UHRF1: variants seen among roughly 807,000 people sequenced by gnomAD.
UHRF1 encodes the protein E3 ubiquitin-protein ligase UHRF1.
UHRF1 carries 9 observed loss-of-function variants against 96.5 expected under a neutral mutation model. The ratio of observed to expected loss-of-function variants is 0.09; its 90% CI spans 0.06 to 0.16. The LOEUF (loss-of-function observed/expected upper bound fraction) is 0.16, where lower values mean the gene tolerates loss of function less well. Ranked by LOEUF, UHRF1 falls within the 10% of genes least tolerant of loss-of-function variation. The probability of loss-of-function intolerance (pLI) is 1.00; values close to 1 mark genes in which losing one functional copy is unlikely to be tolerated. For synonymous variants in UHRF1, 455 were observed against 469.9 expected (o/e 0.97, Z 0.41); for missense variants, 626 against 1,131.1 (o/e 0.55, Z 6.40).
At chr19:4,915,939 C>A (rs1167313480) in intron 2 of UHRF1, among the ~76,000 whole-genome samples, 2 of 152,080 alleles carry the variant, frequency 1.3e-5, no homozygotes, top group African/African-American at 4.8e-5. Flanking sequence ...ATTTCAGGAC[C>A]CTTTACATCA....
chr19:4,960,188 CTG>C (rs2033953896), intron 16 of UHRF1, among the ~76,000 whole-genome samples: 1 of 152,342 alleles, frequency 6.6e-6, no homozygotes, highest in South Asian at 2.1e-4. Context: ...ACTGTATACA[CTG>C]TGCTTGGTGT....
chr19:4,958,228 G>A (rs2033907079), intron 16 of UHRF1, among the ~76,000 whole-genome samples: 1 of 152,248 alleles, frequency 6.6e-6, no homozygotes, highest in Non-Finnish European at 1.5e-5. Flanking sequence ...AGAGGCCATG[G>A]TGTCTTTGGG....
intron 2 of UHRF1, among the ~76,000 whole-genome samples, chr19:4,921,666 A>C (rs1256544461): frequency 6.6e-6 from 1 of 151,938 alleles, no homozygotes; most frequent in Non-Finnish European, 1.5e-5. Context: ...CCGAGGCGGG[A>C]GGGTTGCTTG....
At position 4,954,569 on chromosome 19, in the gene UHRF1, G is replaced by A. The variant is rs1212556450; in HGVS notation, c.1957+81G>A. Reference sequence around the variant, plus strand: ...ATCTCGCGGGTGTGGGGTTGAGGTCGTGTGGACGTGGGAGCCGGTGGCTGT... The same window carrying A: ...ATCTCGCGGGTGTGGGGTTGAGGTCATGTGGACGTGGGAGCCGGTGGCTGT... On this transcript the variant is annotated intron_variant, in intron 14 of 16. Transcript: ENST00000650932. This position sits in a 1 kb window ranked among gnomAD's most constrained non-coding sequence, Gnocchi z 5.9. 19 of 1,587,342 alleles carry A rather than the reference G, an allele frequency of 1.2e-5. No individual in the cohort carries two copies. The highest frequency in any genetic ancestry group is 3.5e-5 in the Admixed American group (2 of 57,820).
chr19:4,948,384 T>TTTATTAC lies in UHRF1; in HGVS notation c.1517+1173_1517+1174insTTATTAC, dbSNP rs548416541. ...AAGACAGATTTGATTATCTAAACAT[T>TTTATTAC]ATAAATATATTACATAAATAAATCC... On this transcript the variant is annotated intron_variant, in intron 11 of 16. Coordinates refer to ENST00000650932, the MANE Select transcript of UHRF1 (RefSeq NM_001048201.3). Among the ~76,000 whole-genome samples the TTTATTAC allele has an allele frequency of 1.2e-4, 19 of 152,318 alleles. No individual in the cohort carries two copies. The East Asian group carries it at 3.5e-3, about 28-fold the overall frequency.
At chr19:4,936,240 G>C (rs540431688) in intron 5 of UHRF1, among the ~76,000 whole-genome samples, 1 of 152,284 alleles carries the variant, frequency 6.6e-6, no homozygotes, top group Admixed American at 6.5e-5. Context: ...CTCGCAATGA[G>C]TTTGTGATGT....
chr19:4,921,444 A>C (rs1362490822), intron 2 of UHRF1, among the ~76,000 whole-genome samples: 2 of 151,724 alleles, frequency 1.3e-5, no homozygotes, highest in Non-Finnish European at 2.9e-5. Context: ...CGTTTCAAAA[A>C]ACAAACGAAA....
intron 11 of UHRF1, among the ~76,000 whole-genome samples, chr19:4,947,932 T>C (rs2033617215): frequency 6.6e-6 from 1 of 151,562 alleles, no homozygotes; most frequent in African/African-American, 2.4e-5. Context: ...ACAACCCATC[T>C]ACAAAAAGTA....
intron 2 of UHRF1, among the ~76,000 whole-genome samples, chr19:4,914,724 G>A (rs1303497379): frequency 1.3e-5 from 2 of 150,588 alleles, no homozygotes; most frequent in Admixed American, 1.3e-4. Context: ...TAACCTGCTC[G>A]GGTACAACGC....
chr19:4,911,910 G>A (rs1352905067), intron 2 of UHRF1, among the ~76,000 whole-genome samples: 3 of 152,168 alleles, frequency 2.0e-5, no homozygotes, highest in Admixed American at 2.0e-4. Flanking sequence ...CGTCAGTTGA[G>A]CTGCGTGTAC....
intron 11 of UHRF1, among the ~76,000 whole-genome samples, chr19:4,948,364 A>G (rs1303472221): frequency 1.3e-5 from 2 of 152,212 alleles, no homozygotes; most frequent in Non-Finnish European, 2.9e-5. Context: ...AGGAAAAGAC[A>G]GATTTGATTA....
At chr19:4,958,902 C>T (rs550078061) in intron 16 of UHRF1, among the ~76,000 whole-genome samples, 3 of 147,508 alleles carry the variant, frequency 2.0e-5, no homozygotes, top group South Asian at 4.3e-4. Flanking sequence ...GTACAGGTTG[C>T]GGTGAGCTGA....
At chr19:4,916,305 CAAA>C (rs11409542) in intron 2 of UHRF1, among the ~76,000 whole-genome samples, 1 of 124,564 alleles carries the variant, frequency 8.0e-6, no homozygotes, top group Non-Finnish European at 1.8e-5. Context: ...GACTTTGTCT[CAAA>C]AAAAAAAAAA....
Position 4,961,843 on chromosome 19 carries a change from G to A in UHRF1, c.*1040G>A, listed in dbSNP as rs927204868. 14 of 151,072 alleles carry A rather than the reference G, an allele frequency of 9.3e-5. No individual in the cohort carries two copies. The highest frequency in any genetic ancestry group is 3.4e-4 in the African/African-American group (14 of 41,144). 9.4% of individuals were successfully genotyped at this position (151,072 alleles called of 1,614,324 possible). On this transcript the variant is annotated 3_prime_UTR_variant, in exon 17 of 17. Coordinates refer to ENST00000650932, the MANE Select transcript of UHRF1 (RefSeq NM_001048201.3). Reference sequence around the variant, plus strand: ...AATTTTTTTTGTAGTTACTGTATATGTACCAAGAAAGATATAACGTTAGGG... The same window carrying A: ...AATTTTTTTTGTAGTTACTGTATATATACCAAGAAAGATATAACGTTAGGG...
intron 4 of UHRF1, 154 bp from the exon 5 acceptor site, chr19:4,932,587 A>G (rs2146336036): frequency 1.3e-6 from 1 of 751,082 alleles, no homozygotes; most frequent in Non-Finnish European, 2.2e-6. Context: ...AATGTGCCTT[A>G]ATATACCTGT....
rs982279753 is a variant in UHRF1 at position 4,930,994 on chromosome 19, C to T, written c.569+118C>T. 3.0e-5 allele frequency: 43 copies of T among 1,420,054 alleles called. No individual in the cohort carries two copies. Among genetic ancestry groups the T allele is most frequent in the Non-Finnish European group, 3.9e-5 (41 of 1,040,520 alleles). The allele number at this position is 1,420,054 out of a possible 1,614,324, so 88.0% of individuals were successfully genotyped here. ...CGAGATGGTGATCAGGATCTGGGGC[C>T]CCATCCTCGAATTCCTAACAGCATA... On this transcript the variant is annotated intron_variant, in intron 4 of 16. Transcript: ENST00000650932. The surrounding 1 kb of genome is among the most constrained non-coding windows in gnomAD (Gnocchi z 4.4).
At chr19:4,940,021 C>CAA (rs529825403) in intron 5 of UHRF1, among the ~76,000 whole-genome samples, 219 of 72,598 alleles carry the variant, frequency 3.0e-3, no homozygotes, top group African/African-American at 6.4e-3. Context: ...GAGACTGTCT[C>CAA]AAAAAAAAAA....
At chr19:4,936,447 G>A (rs1348255635) in intron 5 of UHRF1, among the ~76,000 whole-genome samples, 3 of 152,100 alleles carry the variant, frequency 2.0e-5, no homozygotes, top group Non-Finnish European at 4.4e-5. Flanking sequence ...ATGGCCGAGT[G>A]GACTCTGGGA....
intron 10 of UHRF1, among the ~76,000 whole-genome samples, chr19:4,946,768 G>T (rs2033578463): frequency 6.6e-6 from 1 of 151,934 alleles, no homozygotes; most frequent in African/African-American, 2.4e-5. Flanking sequence ...TGGTGATGGG[G>T]TTTCGCCATG....
Sources: gnomAD v4.1 joint callset for allele counts (sites outside exome capture counted in the v4.1 genomes callset) on GRCh38, gnomAD v4.1.1 for gene constraint, Gnocchi (gnomAD v3.1) non-coding constraint, MANE v1.5 for transcripts, NCBI Gene and HGNC (gene_info 2026-07-23, HGNC 2026-07-21) for gene names.